Variants in LARP4B observed in about 807,000 individuals in gnomAD.
LARP4B encodes the protein la-related protein 4B.
A neutral mutation model predicts 89.8 loss-of-function variants in LARP4B; 12 were observed. The observed-to-expected ratio is 0.13, with a 90% CI of 0.09 to 0.22. The LOEUF is 0.22. Ranked by LOEUF, LARP4B falls within the 10% of genes least tolerant of loss-of-function variation. The probability of loss-of-function intolerance (pLI) is 1.00; values close to 1 mark genes in which losing one functional copy is unlikely to be tolerated. For missense variants in LARP4B, 757 were observed against 947.7 expected, an observed-to-expected ratio of 0.80 and a Z score of 2.64; for synonymous variants, 367 against 363.3, an observed-to-expected ratio of 1.01 and a Z score of -0.12.
At chr10:904,909 A>C (rs1475041224) in intron 1 of LARP4B, among the ~76,000 whole-genome samples, 3 of 152,256 alleles carry the variant, frequency 2.0e-5, no homozygotes, top group African/African-American at 7.2e-5. Context: ...GACTGTCCAC[A>C]TGGGTGGCTG....
chr10:812,844 CG>C lies in LARP4B; in HGVS notation c.*81del, dbSNP rs1381016230. The stretch of plus-strand genomic sequence containing the variant: ...TCAGACACTGCAAGCTCCTAACCAG[CG>C]GCTCGCCCTCGCACTGAGTGGGAGA... On this transcript the variant is annotated 3_prime_UTR_variant, in exon 18 of 18. Transcript: ENST00000316157. The C allele has an allele frequency of 7.8e-7, 1 of 1,286,774 alleles. No homozygotes were observed. Among genetic ancestry groups the C allele is most frequent in the Non-Finnish European group, 1.0e-6 (1 of 986,454 alleles). 79.7% of individuals were successfully genotyped at this position (1,286,774 alleles called of 1,614,324 possible). A position where few individuals can be genotyped will look rare whatever the true frequency, so the allele number is the denominator to read the frequency against.
chr10:879,985 G>A (rs1187336353), intron 3 of LARP4B, among the ~76,000 whole-genome samples: 1 of 150,642 alleles, frequency 6.6e-6, no homozygotes, highest in African/African-American at 2.4e-5. Context: ...TATTGGTCAG[G>A]CTGGTCTCGA....
At chr10:956,143 A>G in the LARP4B span, among the ~76,000 whole-genome samples, 2 of 152,254 alleles carry the variant, frequency 1.3e-5, no homozygotes, top group South Asian at 2.1e-4. The surrounding 1 kb of genome is among the most constrained non-coding windows in gnomAD (Gnocchi z 4.3). Flanking sequence ...TCAGATGGCA[A>G]TGACTCCACG....
intron 1 of LARP4B, among the ~76,000 whole-genome samples, chr10:888,365 C>T (rs1382729849): frequency 6.7e-6 from 1 of 149,708 alleles, no homozygotes; most frequent in South Asian, 2.1e-4. Context: ...CACACACACA[C>T]AAACAAAAAC....
At chr10:864,423 TAAA>T (rs199968615) in intron 3 of LARP4B, among the ~76,000 whole-genome samples, 153 bp from the exon 4 acceptor site, 1 of 131,326 alleles carries the variant, frequency 7.6e-6, no homozygotes, top group Admixed American at 7.7e-5. Flanking sequence ...GGTTCAAAAT[TAAA>T]AAAAAAAAAA....
the LARP4B span, among the ~76,000 whole-genome samples, chr10:956,265 C>T: frequency 4.4e-3 from 677 of 152,202 alleles, 7 homozygotes; most frequent in African/African-American, 0.016. The surrounding 1 kb of genome is among the most constrained non-coding windows in gnomAD (Gnocchi z 4.3). Flanking sequence ...TATGGGAGTA[C>T]GTATGAGCCC....
chr10:823,103 G>A (rs1360976444), intron 13 of LARP4B, among the ~76,000 whole-genome samples: 3 of 152,204 alleles, frequency 2.0e-5, no homozygotes, highest in Non-Finnish European at 2.9e-5. Flanking sequence ...AGGAGGTTAC[G>A]AAGGTCAGCT....
Position 872,886 on chromosome 10 carries a change from G to C in LARP4B, c.142-8616C>G, listed in dbSNP as rs1043068209. The C allele has an allele frequency of 1.4e-5, 3 of 208,762 alleles. No individual in the cohort carries two copies. The Admixed American group carries it at 2.0e-4, about 14-fold the overall frequency. The allele number at this position is 208,762 out of a possible 1,614,324, so 12.9% of individuals were successfully genotyped here. ...AATGTATATATAAAAGAGGAAAGAG[G>C]GTTCAATGACTGCTTGGGTCTATGA... is the stretch of plus-strand genomic sequence containing the variant. On this transcript the variant is annotated intron_variant, in intron 3 of 17. Coordinates refer to ENST00000316157, the MANE Select transcript of LARP4B (RefSeq NM_015155.3).
intron 5 of LARP4B, among the ~76,000 whole-genome samples, chr10:861,757 C>G (rs116822061): frequency 8.9e-4 from 136 of 152,316 alleles, no homozygotes; most frequent in African/African-American, 3.1e-3. Context: ...TCACATCTGT[C>G]TACCTCCTAT....
At chr10:900,618 C>CTTTT (rs907868624) in intron 1 of LARP4B, among the ~76,000 whole-genome samples, 2,935 of 118,940 alleles carry the variant, frequency 0.025, 82 homozygotes, top group Admixed American at 0.049. Context: ...GATATATTTC[C>CTTTT]TTTTTTTTTT....
intron 3 of LARP4B, among the ~76,000 whole-genome samples, chr10:877,557 T>G (rs1358399424): frequency 6.6e-6 from 1 of 152,202 alleles, no homozygotes; most frequent in African/African-American, 2.4e-5. Context: ...GTTCTACCAC[T>G]TTTTAGTCCA....
At chr10:930,857 C>T (rs1408415286) in intron 1 of LARP4B, among the ~76,000 whole-genome samples, 1 of 151,980 alleles carries the variant, frequency 6.6e-6, no homozygotes, top group Non-Finnish European at 1.5e-5. Context: ...CGCACCCGCA[C>T]GGCCGCCTAT....
chr10:963,759 G>A, the LARP4B span, among the ~76,000 whole-genome samples: 1 of 152,208 alleles, frequency 6.6e-6, no homozygotes, highest in Non-Finnish European at 1.5e-5. Flanking sequence ...CCAAGATCGA[G>A]GGTCCTTCTT....
chr10:988,304 C>A, the LARP4B span: 3 of 620,020 alleles, frequency 4.8e-6, no homozygotes, highest in Admixed American at 7.9e-5. Context: ...CGTGGCTGAC[C>A]TCCAAGCCGG....
the LARP4B span, among the ~76,000 whole-genome samples, chr10:962,456 C>T: frequency 4.6e-5 from 7 of 152,172 alleles, no homozygotes; most frequent in Non-Finnish European, 1.5e-5. Flanking sequence ...ACACACAACT[C>T]AGTCCGTAAG....
chr10:941,416 C>T, the LARP4B span, among the ~76,000 whole-genome samples: 26 of 152,166 alleles, frequency 1.7e-4, no homozygotes, highest in East Asian at 1.9e-3. Flanking sequence ...TGGGTTCAAG[C>T]GATTCTCCTT....
intron 3 of LARP4B, among the ~76,000 whole-genome samples, chr10:880,747 T>C (rs1262659278): frequency 6.6e-6 from 1 of 152,154 alleles, no homozygotes; most frequent in African/African-American, 2.4e-5. Context: ...GAGTTTAGTA[T>C]GAGGATGAGT....
upstream of LARP4B, among the ~76,000 whole-genome samples, chr10:933,554 G>A (rs929494444): frequency 2.6e-5 from 4 of 152,034 alleles, no homozygotes; most frequent in Non-Finnish European, 5.9e-5. Context: ...TAGCTTTAAG[G>A]GAATTTGCAA....
intron 7 of LARP4B, among the ~76,000 whole-genome samples, chr10:838,264 T>TA (rs1293681395): frequency 3.3e-5 from 5 of 152,110 alleles, no homozygotes; most frequent in African/African-American, 1.2e-4. Flanking sequence ...AAAGGCATGA[T>TA]CCATGAAAAA....
Sources: gnomAD v4.1 joint callset for allele counts (sites outside exome capture counted in the v4.1 genomes callset) on GRCh38, gnomAD v4.1.1 for gene constraint, Gnocchi (gnomAD v3.1) non-coding constraint, MANE v1.5 for transcripts, NCBI Gene and HGNC (gene_info 2026-07-23, HGNC 2026-07-21) for gene names.